DGKI: variants seen among roughly 807,000 people sequenced by gnomAD.
DGKI encodes the protein DAG kinase iota.
DGKI carries 55 observed loss-of-function variants against 147.5 expected under a neutral mutation model. That is an observed-to-expected ratio of 0.37 (90% CI 0.30 to 0.47). The LOEUF (loss-of-function observed/expected upper bound fraction) is 0.47. Ranked by LOEUF, DGKI falls within the 20% of genes least tolerant of loss-of-function variation. DGKI has a pLI of 1.00. For synonymous variants in DGKI, 469 were observed against 477.1 expected (o/e 0.98, Z 0.22); for missense variants, 1,007 against 1,323.8 (o/e 0.76, Z 3.71).
intron 1 of DGKI, among the ~76,000 whole-genome samples, chr7:137,823,710 T>TA (rs1184981595): frequency 2.0e-5 from 3 of 152,114 alleles, no homozygotes; most frequent in Admixed American, 1.3e-4. Flanking sequence ...GAACGGAAGC[T>TA]ATGTAAAAAC....
At chr7:137,449,082 T>C (rs1413853663) in intron 27 of DGKI, among the ~76,000 whole-genome samples, 1 of 152,188 alleles carries the variant, frequency 6.6e-6, no homozygotes, top group Non-Finnish European at 1.5e-5. Flanking sequence ...ACCTAGAGAT[T>C]CTACGTAATT....
chr7:137,525,458 G>A (rs773725406), intron 20 of DGKI, among the ~76,000 whole-genome samples: 5 of 152,090 alleles, frequency 3.3e-5, no homozygotes, highest in Non-Finnish European at 5.9e-5. Context: ...AAACCTTCTC[G>A]AATCATTTGC....
intron 21 of DGKI, among the ~76,000 whole-genome samples, chr7:137,518,081 G>GT (rs1293149161): frequency 6.6e-6 from 1 of 152,002 alleles, no homozygotes; most frequent in Non-Finnish European, 1.5e-5. Flanking sequence ...TTTGAGTCTG[G>GT]TTTTATGGAC....
rs1379905048 is a variant in DGKI at position 137,615,624 on chromosome 7, ATTTT to A, written c.993+4196_993+4199del. Among the ~76,000 whole-genome samples the A allele has an allele frequency of 2.7e-5, 4 of 150,868 alleles. No individual in the cohort carries two copies. The East Asian group carries it at 7.8e-4, about 29-fold the overall frequency. On this transcript the variant is annotated intron_variant, in intron 8 of 32. Coordinates refer to ENST00000614521, the MANE Select transcript of DGKI (RefSeq NM_001321708.2). ...CTGCTATTCTCCACCTATGTTCCAA[ATTTT>A]CCGTTAGTCACTTCCCAATGTCTTA...
chr7:137,623,446 C>T (rs753248808), intron 7 of DGKI, 37 bp downstream of exon 7: 2 of 1,586,586 alleles, frequency 1.3e-6, no homozygotes, highest in South Asian at 2.2e-5. Flanking sequence ...TTCGACAAAA[C>T]ATGAGCCCAC....
intron 1 of DGKI, among the ~76,000 whole-genome samples, chr7:137,817,795 T>C (rs528630862): frequency 1.3e-5 from 2 of 152,250 alleles, no homozygotes; most frequent in Non-Finnish European, 2.9e-5. Flanking sequence ...TGCTAAAAGG[T>C]ACCTTCCCAT....
chr7:137,460,965 T>G (rs1009444956), intron 27 of DGKI, among the ~76,000 whole-genome samples: 1 of 152,236 alleles, frequency 6.6e-6, no homozygotes, highest in Non-Finnish European at 1.5e-5. Context: ...CACCATTATA[T>G]TTTGTTTCAA....
intron 23 of DGKI, among the ~76,000 whole-genome samples, chr7:137,478,583 T>TCTGGAAGA (rs1455172889): frequency 1.3e-5 from 2 of 152,150 alleles, no homozygotes; most frequent in Non-Finnish European, 2.9e-5. Flanking sequence ...TCTCAGAGGG[T>TCTGGAAGA]CTGGAAGACT....
At chr7:137,623,935 A>G (rs1462109667) in intron 6 of DGKI, among the ~76,000 whole-genome samples, 1 of 152,148 alleles carries the variant, frequency 6.6e-6, no homozygotes, top group Admixed American at 6.5e-5. Context: ...TTCATCTCAG[A>G]GGGTCTATAC....
At position 137,599,916 on chromosome 7, in the gene DGKI, T is replaced by C. The variant is rs955689788; in HGVS notation, c.1168-11A>G. 9 of 1,608,144 alleles carry C rather than the reference T, an allele frequency of 5.6e-6. No individual in the cohort carries two copies. The African/African-American group carries it at 9.4e-5, about 17-fold the overall frequency. ...CAGGACTTTGGTTCCCTGTAAAAAA[T>C]AAATACACAAAAAGGCAATAATAGG... is the stretch of plus-strand genomic sequence containing the variant. On this transcript the variant is annotated splice_polypyrimidine_tract_variant and intron_variant, in intron 10 of 32. Coordinates refer to ENST00000614521, the MANE Select transcript of DGKI (RefSeq NM_001321708.2).
intron 1 of DGKI, chr7:137,771,596 A>G (rs1796198132): frequency 6.6e-6 from 1 of 152,208 alleles, no homozygotes; most frequent in Admixed American, 6.5e-5. Context: ...ATAAACATGC[A>G]TCTTTATCTC....
chr7:137,802,406 G>C (rs943322433), intron 1 of DGKI, among the ~76,000 whole-genome samples: 2 of 152,096 alleles, frequency 1.3e-5, no homozygotes, highest in African/African-American at 4.8e-5. Flanking sequence ...ATATCTTTCT[G>C]GGAATTATTC....
At chr7:137,553,448 G>A (rs1339377379) in intron 19 of DGKI, among the ~76,000 whole-genome samples, 3 of 152,024 alleles carry the variant, frequency 2.0e-5, no homozygotes, top group Non-Finnish European at 4.4e-5. Flanking sequence ...CAAAATGAAA[G>A]ACAGAACTCA....
intron 21 of DGKI, among the ~76,000 whole-genome samples, chr7:137,513,328 G>A (rs1296180716): frequency 1.3e-5 from 2 of 151,874 alleles, no homozygotes; most frequent in African/African-American, 4.8e-5. Flanking sequence ...CCACCTACTC[G>A]AAGGCACTGC....
intron 10 of DGKI, among the ~76,000 whole-genome samples, chr7:137,604,017 C>A (rs1281066505): frequency 6.6e-6 from 1 of 152,190 alleles, no homozygotes; most frequent in Non-Finnish European, 1.5e-5. Flanking sequence ...TTATGCATCG[C>A]TCTGGCTACA....
chr7:137,711,093 C>T (rs1794195524), intron 1 of DGKI, among the ~76,000 whole-genome samples: 1 of 152,084 alleles, frequency 6.6e-6, no homozygotes, highest in Admixed American at 6.5e-5. Context: ...AACAGACTGA[C>T]AAAAATTTTA....
chr7:137,678,740 G>C, intron 2 of DGKI, 88 bp from the exon 3 acceptor site: 2 of 1,207,312 alleles, frequency 1.7e-6, no homozygotes, highest in Non-Finnish European at 2.5e-6. Flanking sequence ...ATACAAGAAA[G>C]TTAGTGAAAC....
intron 1 of DGKI, among the ~76,000 whole-genome samples, chr7:137,803,857 T>C (rs774753486): frequency 1.3e-5 from 2 of 152,236 alleles, no homozygotes; most frequent in Admixed American, 1.3e-4. Context: ...TATTTGGATT[T>C]GGCCCAGGTC....
intron 21 of DGKI, chr7:137,493,736 C>T (rs1815857831): frequency 4.3e-6 from 3 of 701,028 alleles, no homozygotes; most frequent in Non-Finnish European, 7.8e-6. Context: ...TGAAAAAGAA[C>T]CAGCGCGAGA....
Sources: gnomAD v4.1 joint callset for allele counts (sites outside exome capture counted in the v4.1 genomes callset) on GRCh38, gnomAD v4.1.1 for gene constraint, MANE v1.5 for transcripts, NCBI Gene and HGNC (gene_info 2026-07-23, HGNC 2026-07-21) for gene names.